PLCG2: variants seen among roughly 807,000 people sequenced by gnomAD.
PLCG2 encodes phospholipase C gamma 2, also known as 1-phosphatidylinositol 4,5-bisphosphate phosphodiesterase gamma-2.
Under a neutral mutation model 175.6 loss-of-function variants are expected in PLCG2, and 69 were observed. The ratio of observed to expected loss-of-function variants is 0.39; its 90% CI spans 0.32 to 0.48. PLCG2 has a LOEUF of 0.48. Ranked by LOEUF, PLCG2 falls within the 20% of genes least tolerant of loss-of-function variation. PLCG2 has a pLI of 0.91. For missense variants in PLCG2, 1,798 were observed against 1,650.9 expected (o/e 1.09, Z -1.54); for synonymous variants, 827 against 624.0 (o/e 1.33, Z -4.85).
upstream of PLCG2, among the ~76,000 whole-genome samples, chr16:81,776,516 T>A (rs758832037): frequency 9.2e-5 from 14 of 152,150 alleles, no homozygotes; most frequent in Admixed American, 2.0e-4. Flanking sequence ...CATTTTACAT[T>A]AGAGTCCTCC....
intron 31 of PLCG2, among the ~76,000 whole-genome samples, chr16:81,946,809 G>A (rs1361014752): frequency 6.6e-6 from 1 of 151,988 alleles, no homozygotes; most frequent in East Asian, 1.9e-4. Context: ...TAGAATTAGT[G>A]GGATCAATTA....
At chr16:81,907,605 G>A in intron 15 of PLCG2, 80 bp from the exon 16 acceptor site, 2 of 892,898 alleles carry the variant, frequency 2.2e-6, no homozygotes. Flanking sequence ...ATGCTGGGGT[G>A]ACGCCCTGCA....
chr16:81,930,350 C>G (rs1910448638), intron 24 of PLCG2, among the ~76,000 whole-genome samples: 1 of 152,308 alleles, frequency 6.6e-6, no homozygotes, highest in African/African-American at 2.4e-5. Context: ...CCACATTTCT[C>G]TCCTAGTTTC....
chr16:81,913,630 C>T (rs1909724953), intron 19 of PLCG2, among the ~76,000 whole-genome samples: 1 of 152,214 alleles, frequency 6.6e-6, no homozygotes, highest in Non-Finnish European at 1.5e-5. Context: ...TGAGAAATTT[C>T]ACTGAAAAAC....
At chr16:81,843,228 T>A (rs1023830842) in intron 2 of PLCG2, among the ~76,000 whole-genome samples, 2 of 152,180 alleles carry the variant, frequency 1.3e-5, no homozygotes, top group African/African-American at 4.8e-5. Flanking sequence ...TTTGAACCCA[T>A]GCAGACAAAG....
chr16:81,828,671 A>G (rs1488680690), intron 2 of PLCG2, among the ~76,000 whole-genome samples: 1 of 152,118 alleles, frequency 6.6e-6, no homozygotes, highest in Non-Finnish European at 1.5e-5. Context: ...AACCTTAAGC[A>G]AGTTATAAAA....
At chr16:81,955,227 G>C (rs533573341) in intron 31 of PLCG2, among the ~76,000 whole-genome samples, 1 of 152,292 alleles carries the variant, frequency 6.6e-6, no homozygotes, top group African/African-American at 2.4e-5. Context: ...CCTGGGGACT[G>C]TTTTGTTAGG....
chr16:81,923,678 T>C, intron 22 of PLCG2, 84 bp downstream of exon 22: 3 of 782,780 alleles, frequency 3.8e-6, no homozygotes, highest in Non-Finnish European at 6.4e-6. Context: ...GCTGGCCAAG[T>C]CTGACCCCCT....
At chr16:81,869,335 G>A (rs199650798) in intron 6 of PLCG2, 37 bp downstream of exon 6, 398 of 1,429,644 alleles carry the variant, frequency 2.8e-4, no homozygotes, top group Non-Finnish European at 3.6e-4. Flanking sequence ...TTTTATGAAT[G>A]CGGAGTGACT....
intron 1 of PLCG2, chr16:81,755,785 C>G (rs1157256165): frequency 6.6e-6 from 1 of 152,408 alleles, no homozygotes; most frequent in Non-Finnish European, 1.5e-5. Flanking sequence ...CTCGGCCTCC[C>G]AAAGTGCTGG....
At chr16:81,825,991 T>G (rs1567484264) in intron 2 of PLCG2, among the ~76,000 whole-genome samples, 1 of 152,210 alleles carries the variant, frequency 6.6e-6, no homozygotes, top group South Asian at 2.1e-4. Flanking sequence ...GCTTTGAACT[T>G]GGAGCGAGCT....
At chr16:81,944,214 A>G (rs933636200) in intron 30 of PLCG2, among the ~76,000 whole-genome samples, 37 of 152,180 alleles carry the variant, frequency 2.4e-4, no homozygotes, top group African/African-American at 8.7e-4. Context: ...AATAAGATGG[A>G]TTGATGGGTA....
intron 2 of PLCG2, among the ~76,000 whole-genome samples, chr16:81,793,136 C>G (rs1021924914): frequency 6.6e-6 from 1 of 152,240 alleles, no homozygotes; most frequent in Non-Finnish European, 1.5e-5. Flanking sequence ...AGCACAACAC[C>G]TCACTTCCTG....
chr16:81,905,698 G>A lies in PLCG2; in HGVS notation c.1467+191G>A, dbSNP rs377554334. On this transcript the variant is annotated intron_variant, in intron 15 of 32. Coordinates refer to ENST00000564138, the MANE Select transcript of PLCG2 (RefSeq NM_002661.5). ...TTGTGGGACAGGGTCTCACTCTGTC[G>A]CCCAGGCTGGAGTGTAGTGGTGTGA... Among the ~76,000 whole-genome samples, 217 of 152,182 alleles carry A rather than the reference G, an allele frequency of 1.4e-3. 1 individual carries two copies. Among genetic ancestry groups the A allele is most frequent in the African/African-American group, 5.0e-3 (207 of 41,530 alleles).
chr16:81,794,704 G>A (rs1277847999), intron 2 of PLCG2, among the ~76,000 whole-genome samples: 1 of 152,174 alleles, frequency 6.6e-6, no homozygotes, highest in Non-Finnish European at 1.5e-5. Flanking sequence ...ATAGTATCTG[G>A]CACAGAGGAT....
chr16:81,943,822 C>T (rs1157491758), intron 30 of PLCG2, among the ~76,000 whole-genome samples: 1 of 152,138 alleles, frequency 6.6e-6, no homozygotes, highest in Non-Finnish European at 1.5e-5. Context: ...GCAGTATATT[C>T]AATGAGAGCA....
At chr16:81,825,189 G>A (rs569072072) in intron 2 of PLCG2, among the ~76,000 whole-genome samples, 7 of 152,268 alleles carry the variant, frequency 4.6e-5, no homozygotes, top group African/African-American at 1.7e-4. Context: ...CTAGGTTTGT[G>A]GGGCCATCCT....
At chr16:81,942,581 G>GA (rs201115487) in intron 30 of PLCG2, among the ~76,000 whole-genome samples, 1,546 of 152,320 alleles carry the variant, frequency 0.01, 11 homozygotes, top group Non-Finnish European at 0.015. Context: ...GCGCAGGAAG[G>GA]AAAGCAGCAG....
At chr16:81,930,203 A>C (rs1252064774) in intron 24 of PLCG2, among the ~76,000 whole-genome samples, 1 of 152,196 alleles carries the variant, frequency 6.6e-6, no homozygotes, top group East Asian at 1.9e-4. Context: ...GATGCAATAC[A>C]TGTAATCTGC....
Sources: allele counts gnomAD v4.1 joint callset (sites outside exome capture counted in the v4.1 genomes callset), GRCh38; gene constraint gnomAD v4.1.1; transcripts MANE v1.5; gene names NCBI Gene and HGNC (gene_info 2026-07-23, HGNC 2026-07-21).